The following IGLL1 variants were observed in gnomAD, a reference collection of about 807,000 sequenced individuals.
The protein encoded by IGLL1 is immunoglobulin lambda like polypeptide 1, also known as immunoglobulin lambda-like polypeptide 1.
IGLL1 carries 10 observed loss-of-function variants against 10.5 expected under a neutral mutation model. The ratio of observed to expected loss-of-function variants is 0.95; its 90% CI spans 0.59 to 1.62. IGLL1 has a LOEUF of 1.62. Among genes scored for constraint, IGLL1 ranks in the 40% most tolerant of loss-of-function variants. IGLL1 has a pLI of 0.00. For missense variants in IGLL1, 284 were observed against 278.7 expected (o/e 1.02, Z -0.14); for synonymous variants, 141 against 122.7 (o/e 1.15, Z -0.99).
intron 1 of IGLL1, among the ~76,000 whole-genome samples, chr22:23,576,583 A>T (rs1201101496): frequency 6.6e-6 from 1 of 152,046 alleles, no homozygotes; most frequent in Non-Finnish European, 1.5e-5. Flanking sequence ...GGCATGTGCC[A>T]GCACACTTGG....
intron 1 of IGLL1, among the ~76,000 whole-genome samples, chr22:23,578,120 G>A (rs1925153795): frequency 6.6e-6 from 1 of 150,526 alleles, no homozygotes; most frequent in Non-Finnish European, 1.5e-5. Context: ...CTGACCTCGT[G>A]ATCTGCCCAT....
chr22:23,574,111 A>G (rs1256113794), intron 2 of IGLL1, among the ~76,000 whole-genome samples: 1 of 147,620 alleles, frequency 6.8e-6, no homozygotes, highest in Non-Finnish European at 1.5e-5. Flanking sequence ...GCCCGACCAC[A>G]GGACCCTTCA....
intron 1 of IGLL1, among the ~76,000 whole-genome samples, chr22:23,579,620 G>A (rs1402725924): frequency 1.3e-5 from 2 of 151,826 alleles, no homozygotes; most frequent in Non-Finnish European, 2.9e-5. Flanking sequence ...AGGAGGAGGA[G>A]GGAGAGGCCT....
intron 2 of IGLL1, 64 bp downstream of exon 2, chr22:23,574,903 A>T: frequency 8.7e-7 from 1 of 1,144,104 alleles, no homozygotes; most frequent in Non-Finnish European, 1.3e-6. Context: ...AGCCCCAGAG[A>T]GAGAAAACAC....
chr22:23,577,879 A>C, intron 1 of IGLL1, among the ~76,000 whole-genome samples: 1 of 141,306 alleles, frequency 7.1e-6, no homozygotes, highest in African/African-American at 2.7e-5. Context: ...TATCCCCCCC[A>C]GCATAATACC....
Position 23,575,082 on chromosome 22 carries a change from C to A in IGLL1, c.207G>T (p.Arg69Ser), listed in dbSNP as rs749623895. The A allele has an allele frequency of 5.6e-6, 9 of 1,612,276 alleles. No homozygotes were observed. The South Asian group carries it at 8.8e-5, about 16-fold the overall frequency. Residue 69 changes from arginine to serine, a missense_variant and splice_region_variant, in exon 2 of 3, where the codon AGG becomes AGT. Transcript: ENST00000330377. ...TCCAGGAGCCGCGCTGGAGCAGGAACCTGCTGGGAGTGAGGGGCACAGGGC... is the reference window on the plus strand; with the variant it reads ...TCCAGGAGCCGCGCTGGAGCAGGAAACTGCTGGGAGTGAGGGGCACAGGGC... ...SRSSLRSRWG[R>S]FLLQRGSWTG...
intron 1 of IGLL1, among the ~76,000 whole-genome samples, chr22:23,575,330 TGA>T: frequency 6.6e-6 from 1 of 152,274 alleles, no homozygotes; most frequent in East Asian, 1.9e-4. Context: ...GCCGTGTGGC[TGA>T]GGAGTCCTCA....
At chr22:23,577,744 C>T (rs1316405658) in intron 1 of IGLL1, among the ~76,000 whole-genome samples, 2 of 151,962 alleles carry the variant, frequency 1.3e-5, no homozygotes, top group East Asian at 1.9e-4. Context: ...CTATGTTGCT[C>T]AGGCTGATCT....
At chr22:23,576,232 C>T (rs1243049832) in intron 1 of IGLL1, among the ~76,000 whole-genome samples, 2 of 151,892 alleles carry the variant, frequency 1.3e-5, no homozygotes, top group Non-Finnish European at 2.9e-5. Context: ...TCAGTCACCT[C>T]GCCTCCCACA....
chr22:23,576,695 G>A (rs1925083000), intron 1 of IGLL1, among the ~76,000 whole-genome samples: 1 of 152,162 alleles, frequency 6.6e-6, no homozygotes, highest in African/African-American at 2.4e-5. Context: ...GCCTCTCAAA[G>A]TGCTGGGATT....
At position 23,575,141 on chromosome 22, in the gene IGLL1, AG is replaced by A. The variant is rs1924998246; in HGVS notation, c.207-60del. On this transcript the variant is annotated intron_variant, in intron 1 of 2. Transcript: ENST00000330377. ...GTAGGCTGTGACCCAGGCACAGGGT[AG>A]GGGGGTGGCCAGTGTCCCAGTAGTG... is the stretch of plus-strand genomic sequence containing the variant. The A allele has an allele frequency of 3.6e-5, 45 of 1,237,388 alleles. 1 individual carries two copies. In the South Asian group the frequency reaches 4.7e-4, roughly 13 times the overall value. 76.7% of individuals were successfully genotyped at this position (1,237,388 alleles called of 1,614,324 possible).
chr22:23,579,333 T>C (rs1240111249), intron 1 of IGLL1, among the ~76,000 whole-genome samples: 4 of 151,826 alleles, frequency 2.6e-5, no homozygotes, highest in Non-Finnish European at 5.9e-5. Flanking sequence ...ACACGCAGAG[T>C]GGTGGCAATG....
rs113285767 is a variant in IGLL1, at chr22:23,573,625, G to A, written c.323-40C>T. 11,800 of 1,485,074 alleles carry A rather than the reference G, an allele frequency of 7.9e-3. 416 individuals are homozygous for A. The African/African-American group carries it at 0.14, about 17-fold the overall frequency. The allele number at this position is 1,485,074 out of a possible 1,614,324, so 92.0% of individuals were successfully genotyped here. ...GAGGGGGTGAGAGATGGCAGAGGGA[G>A]TGTGGGGTGTTGTGGAGCGCCTCTC... On this transcript the variant is annotated intron_variant, in intron 2 of 2. Transcript: ENST00000330377.
intron 2 of IGLL1, among the ~76,000 whole-genome samples, 156 bp downstream of exon 2, chr22:23,574,811 C>T (rs1353611127): frequency 6.6e-6 from 1 of 152,118 alleles, no homozygotes; most frequent in East Asian, 1.9e-4. Flanking sequence ...CCTGCCATTA[C>T]CCTGAGACTA....
chr22:23,578,178 G>A (rs1925156563), intron 1 of IGLL1, among the ~76,000 whole-genome samples: 1 of 152,202 alleles, frequency 6.6e-6, no homozygotes, highest in East Asian at 1.9e-4. Context: ...CACAGCACCC[G>A]GCCCATAGTA....
intron 2 of IGLL1, among the ~76,000 whole-genome samples, chr22:23,574,117 C>T (rs1037778624): frequency 4.1e-5 from 6 of 146,828 alleles, no homozygotes; most frequent in African/African-American, 1.6e-4. Context: ...CCACAGGACC[C>T]TTCACATCGG....
In IGLL1 at chr22:23,573,310, C is replaced by T. The variant is rs775148925; in HGVS notation, c.598G>A (p.Gly200Arg). 1.9e-6 allele frequency: 3 copies of T among 1,614,000 alleles called. No homozygotes were observed. The African/African-American group carries it at 4.0e-5, about 22-fold the overall frequency. The change falls in exon 3 of 3, where the codon GGG becomes AGG. Residue 200 changes from glycine (G) to arginine (R), a missense_variant. Transcript: ENST00000330377. ...GCCACCGTCTTCTCCACGGTGCTCC[C>T]TTCGTGCATGACCTGGCAGCTGTAG... ...RSYSCQVMHEGSTVEKTVAPA... is the reference protein window; with the variant it reads ...RSYSCQVMHERSTVEKTVAPA...
At chr22:23,577,993 T>G (rs1176157172) in intron 1 of IGLL1, among the ~76,000 whole-genome samples, 1 of 151,810 alleles carries the variant, frequency 6.6e-6, no homozygotes, top group African/African-American at 2.4e-5. Context: ...CAAGCGATTC[T>G]CCTGCCTCCC....
Position 23,573,505 on chromosome 22 carries a change from A to T in IGLL1, c.403T>A (p.Cys135Ser). The change falls in exon 3 of 3, where the codon TGT becomes AGT. Residue 135 changes from cysteine to serine, a missense_variant. Cys to Ser is a moderately radical substitution (Grantham distance 112). Transcript: ENST00000330377. ...ELQANKATLV[C>S]LMNDFYPGIL... ...CCCGGATAAAAGTCATTCATGAGAC[A>T]CACCAGTGTAGCCTTGTTGGCTTGG... 6.2e-7 allele frequency: 1 copy of T among 1,613,926 alleles called. No individual in the cohort carries two copies. Among genetic ancestry groups the T allele is most frequent in the East Asian group, 2.2e-5 (1 of 44,880 alleles).
Sources: gnomAD v4.1 joint callset for allele counts (sites outside exome capture counted in the v4.1 genomes callset) on GRCh38, gnomAD v4.1.1 for gene constraint, MANE v1.5 for transcripts, NCBI Gene and HGNC (gene_info 2026-07-23, HGNC 2026-07-21) for gene names.